The following CHEK1 variants were observed in gnomAD, a reference collection of about 807,000 sequenced individuals.
CHEK1 encodes the protein serine/threonine-protein kinase Chk1.
In CHEK1, 32 loss-of-function variants were observed where a neutral mutation model predicts 60.2. The observed-to-expected ratio is 0.53, with a 90% confidence interval of 0.40 to 0.71. The LOEUF (loss-of-function observed/expected upper bound fraction) is 0.71, where lower values mean the gene tolerates loss of function less well. Ranked by LOEUF, CHEK1 falls within the 30% of genes least tolerant of loss-of-function variation. The probability of loss-of-function intolerance (pLI) is 0.00; values close to 1 mark genes in which losing one functional copy is unlikely to be tolerated. For missense variants in CHEK1, 399 were observed against 564.6 expected (o/e 0.71, Z 2.97); for synonymous variants, 179 against 187.2 (o/e 0.96, Z 0.36).
chr11:125,643,685 A>T, intron 8 of CHEK1, 107 bp from the exon 9 acceptor site: 2 of 765,562 alleles, frequency 2.6e-6, no homozygotes, highest in Non-Finnish European at 4.0e-6. Flanking sequence ...TGTGTTAAAT[A>T]AATAGATTTA....
At chr11:125,681,050 T>A (rs1030732681), downstream of CHEK1, 49 of 246,642 alleles carry the variant, frequency 2.0e-4, no homozygotes, top group Non-Finnish European at 3.2e-4. The surrounding 1 kb of genome is among the most constrained non-coding windows in gnomAD (Gnocchi z 4.2). Flanking sequence ...GTTGGGGCTA[T>A]CTGCCCTATC....
At chr11:125,662,881 A>G (rs565357776) in intron 13 of CHEK1, among the ~76,000 whole-genome samples, 1 of 152,212 alleles carries the variant, frequency 6.6e-6, no homozygotes, top group East Asian at 1.9e-4. Flanking sequence ...ATCCTCATCA[A>G]TGTTGTCACT....
At chr11:125,672,419 A>G (rs977407985) in intron 13 of CHEK1, 3 of 717,012 alleles carry the variant, frequency 4.2e-6, no homozygotes, top group Non-Finnish European at 4.5e-6. Flanking sequence ...ACAGAGAAGA[A>G]TGGATAAAAG....
At chr11:125,680,875 A>C (rs1397950250), downstream of CHEK1, 1 of 1,027,680 alleles carries the variant, frequency 9.7e-7, no homozygotes, top group African/African-American at 1.6e-5. Context: ...GTGCTGAAGC[A>C]GAGCTTCTGG....
At chr11:125,649,426 G>C (rs1346426256) in intron 11 of CHEK1, among the ~76,000 whole-genome samples, 3 of 151,328 alleles carry the variant, frequency 2.0e-5, no homozygotes, top group Non-Finnish European at 4.4e-5. Flanking sequence ...TTGTGTCTTT[G>C]AATCTAAAGT....
downstream of CHEK1, chr11:125,676,257 T>G: frequency 1.4e-6 from 2 of 1,416,504 alleles, no homozygotes; most frequent in Non-Finnish European, 1.9e-6. Flanking sequence ...AATCTTCAAG[T>G]TCCTTGATTC....
At chr11:125,633,481 C>T (rs558913424) in intron 6 of CHEK1, 130 bp downstream of exon 6, 1 of 757,144 alleles carries the variant, frequency 1.3e-6, no homozygotes, top group African/African-American at 1.8e-5. Context: ...GACAGGGTCT[C>T]ACTCTTGGCC....
intron 12 of CHEK1, among the ~76,000 whole-genome samples, chr11:125,654,777 T>G (rs939601510): frequency 6.6e-6 from 1 of 152,250 alleles, no homozygotes; most frequent in Non-Finnish European, 1.5e-5. Flanking sequence ...TTTCAGATGC[T>G]TGCTACAGAA....
At position 125,657,051 on chromosome 11, in the gene CHEK1, A is replaced by C. The variant is rs1242658815; in HGVS notation, c.*1731A>C. On this transcript the variant is annotated 3_prime_UTR_variant, in exon 13 of 13. Coordinates refer to ENST00000438015, the MANE Select transcript of CHEK1 (RefSeq NM_001114122.3). ...ACAGAAAGGCATTCTGTAAATAATA[A>C]GTTGCCTTAATTTTCCTGTAATGTT... 1 of 185,496 alleles carries C rather than the reference A, an allele frequency of 5.4e-6. No homozygotes were observed. Among genetic ancestry groups the C allele is most frequent in the Non-Finnish European group, 1.1e-5 (1 of 87,710 alleles). The allele number at this position is 185,496 out of a possible 1,614,324, so 11.5% of individuals were successfully genotyped here.
rs1445804654 is a variant in CHEK1 at position 125,625,436 on chromosome 11, TCA to T, written c.-594_-593del. On this transcript the variant is annotated 5_prime_UTR_variant, in exon 1 of 13. It removes the in-frame stop codon of an upstream open reading frame in the 5' UTR. Transcript: ENST00000438015. ...CCAACACGGAGTTCCTCCCATTTCT[TCA>T]CAGTCGGCTCTCAGCAGCTGCTGCT... The T allele has an allele frequency of 6.5e-6, 2 of 309,938 alleles. No individual in the cohort carries two copies. Among genetic ancestry groups the T allele is most frequent in the Admixed American group, 4.5e-5 (1 of 22,150 alleles). 19.2% of individuals were successfully genotyped at this position (309,938 alleles called of 1,614,324 possible).
At chr11:125,630,899 C>CCATGTCACAAGCAGTGACACAAG (rs144469172) in intron 5 of CHEK1, among the ~76,000 whole-genome samples, 1 of 151,978 alleles carries the variant, frequency 6.6e-6, no homozygotes, top group Non-Finnish European at 1.5e-5. Flanking sequence ...GCTTTTCAAG[C>CCATGTCACAAGCAGTGACACAAG]CATGTCACAA....
At chr11:125,654,913 C>T (rs1277519321) in intron 12 of CHEK1, among the ~76,000 whole-genome samples, 4 of 152,172 alleles carry the variant, frequency 2.6e-5, no homozygotes, top group Non-Finnish European at 4.4e-5. Context: ...CAAACCCTCA[C>T]TGCCTATGGA....
In CHEK1 at chr11:125,656,221, C is replaced by T. The variant is rs1591423847; in HGVS notation, c.*901C>T. 1 of 214,032 alleles carries T rather than the reference C, an allele frequency of 4.7e-6. No homozygotes were observed. Among genetic ancestry groups the T allele is most frequent in the East Asian group, 7.0e-5 (1 of 14,356 alleles). 13.3% of individuals were successfully genotyped at this position (214,032 alleles called of 1,614,324 possible). A position where few individuals can be genotyped will look rare whatever the true frequency, so the allele number is the denominator to read the frequency against. On this transcript the variant is annotated 3_prime_UTR_variant, in exon 13 of 13. Transcript: ENST00000438015. Reference sequence around the variant, plus strand: ...GGCATATTAGGTTGAGGCCTTGGCTCCTGCCTGTAGTCCCAGCTACTTAGG... The same window carrying T: ...GGCATATTAGGTTGAGGCCTTGGCTTCTGCCTGTAGTCCCAGCTACTTAGG...
rs760379838 is a variant in CHEK1 at position 125,633,292 on chromosome 11, A to G, written c.554A>G (p.His185Arg). Reference protein sequence around the residue: ...APELLKRREFHAEPVDVWSCG... With the variant: ...APELLKRREFRAEPVDVWSCG... ...GAACTTCTGAAGAGAAGAGAATTTC[A>G]TGCAGAACCAGTTGATGTTTGGTCC... is the stretch of plus-strand genomic sequence containing the variant. The change falls in exon 6 of 13, where the codon CAT becomes CGT. Residue 185 changes from histidine to arginine, a missense_variant. Physicochemically the swap from His to Arg is conservative, Grantham distance 29. Around this residue, in one of 2 missense-constraint regions of CHEK1, gnomAD observed 370 missense variants for 494.8 expected, o/e 0.75. Coordinates refer to ENST00000438015, the MANE Select transcript of CHEK1 (RefSeq NM_001114122.3). The G allele has an allele frequency of 9.3e-6, 15 of 1,606,968 alleles. No homozygotes were observed. The highest frequency in any genetic ancestry group is 1.7e-6 in the Non-Finnish European group (2 of 1,178,060).
downstream of CHEK1, among the ~76,000 whole-genome samples, chr11:125,677,353 T>G (rs1942559862): frequency 6.6e-6 from 1 of 152,194 alleles, no homozygotes; most frequent in Non-Finnish European, 1.5e-5. Flanking sequence ...ACATTCCATG[T>G]TCAAACAAAA....
At chr11:125,641,548 G>C (rs930674136) in intron 8 of CHEK1, among the ~76,000 whole-genome samples, 3 of 152,080 alleles carry the variant, frequency 2.0e-5, no homozygotes, top group Non-Finnish European at 2.9e-5. Context: ...AATTTCACTT[G>C]AATGTTAAGA....
rs1191531722 is a variant in CHEK1, at chr11:125,627,633, C to A, written c.92C>A (p.Thr31Asn). The change falls in exon 3 of 13, where the codon ACT becomes AAT. Residue 31 changes from threonine (T) to asparagine (N), a missense_variant. Thr to Asn is a moderately conservative substitution (Grantham distance 65). Coordinates refer to ENST00000438015, the MANE Select transcript of CHEK1 (RefSeq NM_001114122.3). ...GEVQLAVNRVTEEAVAVKIVD... is the reference protein window; with the variant it reads ...GEVQLAVNRVNEEAVAVKIVD... Reference sequence around the variant, plus strand: ...GTTCAACTTGCTGTGAATAGAGTAACTGAAGAAGCAGTCGCAGTGAAGATT... The same window carrying A: ...GTTCAACTTGCTGTGAATAGAGTAAATGAAGAAGCAGTCGCAGTGAAGATT... 6.2e-7 allele frequency: 1 copy of A among 1,613,516 alleles called. No homozygotes were observed. The highest frequency in any genetic ancestry group is 1.7e-5 in the Admixed American group (1 of 59,900).
chr11:125,640,127 T>G (rs1941227053), intron 8 of CHEK1, among the ~76,000 whole-genome samples: 1 of 152,264 alleles, frequency 6.6e-6, no homozygotes, highest in African/African-American at 2.4e-5. Context: ...TCATCTATTT[T>G]GTTGCCAAGA....
At chr11:125,678,179 C>T, downstream of CHEK1, 2 of 1,614,172 alleles carry the variant, frequency 1.2e-6, no homozygotes, top group Non-Finnish European at 1.7e-6. Flanking sequence ...CTGAAGAAGT[C>T]TCATATAAAG....
Sources: gnomAD v4.1 joint callset for allele counts (sites outside exome capture counted in the v4.1 genomes callset) on GRCh38, gnomAD v4.1.1 for gene constraint, gnomAD v4.1.1 regional missense constraint, Gnocchi (gnomAD v3.1) non-coding constraint, MANE v1.5 for transcripts, NCBI Gene and HGNC (gene_info 2026-07-23, HGNC 2026-07-21) for gene names.